Variants in CORO1C observed in about 807,000 individuals in gnomAD.
The protein encoded by CORO1C is coronin 1C, also known as coronin-1C.
A neutral mutation model predicts 51.2 loss-of-function variants in CORO1C; 14 were observed. The ratio of observed to expected loss-of-function variants is 0.27; its 90% CI spans 0.18 to 0.43. The LOEUF is 0.43. Ranked by LOEUF, CORO1C falls within the 20% of genes least tolerant of loss-of-function variation. The pLI is 1.00. For synonymous variants in CORO1C, 181 were observed against 210.5 expected (o/e 0.86, Z 1.21); for missense variants, 417 against 607.8 (o/e 0.69, Z 3.30).
intron 2 of CORO1C, among the ~76,000 whole-genome samples, chr12:108,680,098 T>G (rs1270267045): frequency 6.6e-6 from 1 of 152,236 alleles, no homozygotes; most frequent in African/African-American, 2.4e-5. Context: ...CCAGACATTG[T>G]GCTGAGTGCT....
At position 108,666,806 on chromosome 12, in the gene CORO1C, A is replaced by G. The variant is rs567141497; in HGVS notation, c.319-4648T>C. Among the ~76,000 whole-genome samples the G allele has an allele frequency of 5.3e-5, 8 of 152,330 alleles. No individual in the cohort carries two copies. In the South Asian group the frequency reaches 1.7e-3, roughly 32 times the overall value. ...CAGCTGTGCTTACTCAGGGGTTATT[A>G]GAAGGGTTAAATGAGCTCAAACATT... On this transcript the variant is annotated intron_variant, in intron 3 of 10. Coordinates refer to ENST00000261401, the MANE Select transcript of CORO1C (RefSeq NM_014325.4).
At chr12:108,654,093 C>G (rs1157756161) in intron 7 of CORO1C, among the ~76,000 whole-genome samples, 1 of 152,206 alleles carries the variant, frequency 6.6e-6, no homozygotes, top group East Asian at 1.9e-4. Flanking sequence ...CAAAAGTATG[C>G]AACATGGCGT....
At chr12:108,689,032 GAA>G (rs11449783) in intron 2 of CORO1C, among the ~76,000 whole-genome samples, 6 of 110,328 alleles carry the variant, frequency 5.4e-5, no homozygotes, top group Admixed American at 9.7e-5. Context: ...CTCTGTCTCA[GAA>G]AAAAAAAAAA....
At chr12:108,717,331 G>C (rs569850375) in intron 1 of CORO1C, among the ~76,000 whole-genome samples, 1 of 152,340 alleles carries the variant, frequency 6.6e-6, no homozygotes, top group East Asian at 1.9e-4. Flanking sequence ...GGATCACAGA[G>C]GGCTTTCTAG....
At chr12:108,702,120 A>G (rs1304207611) in intron 1 of CORO1C, 1 of 152,488 alleles carries the variant, frequency 6.6e-6, no homozygotes, top group Non-Finnish European at 1.5e-5. Context: ...ATGACAGTAA[A>G]TGTGGCAGGA....
Position 108,657,362 on chromosome 12 carries a change from T to C in CORO1C, c.692A>G (p.Asn231Ser), listed in dbSNP as rs769089003. The C allele has an allele frequency of 1.5e-5, 24 of 1,614,046 alleles. No homozygotes were observed. Among genetic ancestry groups the C allele is most frequent in the African/African-American group, 8.0e-5 (6 of 74,944 alleles). Residue 231 changes from asparagine (N) to serine (S), a missense_variant, in exon 6 of 11, where the codon AAT becomes AGT. Asn to Ser is a conservative substitution (Grantham distance 46, BLOSUM62 1). Coordinates refer to ENST00000261401, the MANE Select transcript of CORO1C (RefSeq NM_014325.4). Reference protein sequence around the residue: ...PMRAIFLADGNVFTTGFSRMS... With the variant: ...PMRAIFLADGSVFTTGFSRMS... The stretch of plus-strand genomic sequence containing the variant: ...GCGGCTGAACCCAGTGGTGAAGACA[T>C]TGCCATCGGCCAGGAAGATGGCTCT...
chr12:108,657,208 C>G, intron 6 of CORO1C, 96 bp downstream of exon 6: 1 of 1,480,184 alleles, frequency 6.8e-7, no homozygotes, highest in Non-Finnish European at 9.0e-7. Flanking sequence ...GAAAACTACA[C>G]TAAGAATCCC....
intron 1 of CORO1C, 103 bp from the exon 2 acceptor site, chr12:108,701,426 A>AT: frequency 6.5e-7 from 1 of 1,548,606 alleles, no homozygotes; most frequent in Non-Finnish European, 8.7e-7. Context: ...ATGGTATGGC[A>AT]TTTTGTCTGC....
chr12:108,702,753 C>T (rs1298894630), intron 1 of CORO1C: 1 of 1,471,380 alleles, frequency 6.8e-7, no homozygotes, highest in Non-Finnish European at 9.0e-7. Flanking sequence ...GAGCCCACTG[C>T]TAAATGCAGA....
chr12:108,699,440 GA>G (rs34961869), intron 2 of CORO1C, among the ~76,000 whole-genome samples: 7 of 150,688 alleles, frequency 4.6e-5, no homozygotes, highest in South Asian at 2.1e-4. Flanking sequence ...TTCTTTGAAG[GA>G]AAAAAAAAGT....
At chr12:108,655,834 GC>G (rs1262535120) in intron 6 of CORO1C, among the ~76,000 whole-genome samples, 1 of 152,164 alleles carries the variant, frequency 6.6e-6, no homozygotes, top group Non-Finnish European at 1.5e-5. Context: ...TCTCTGCCTG[GC>G]CGCCCATCGT....
chr12:108,715,456 C>G (rs1159043242), intron 1 of CORO1C, among the ~76,000 whole-genome samples: 2 of 152,092 alleles, frequency 1.3e-5, no homozygotes, highest in African/African-American at 4.8e-5. Context: ...ATTTCTATTA[C>G]AGAGATAATG....
At chr12:108,648,195 C>G (rs1448555746) in intron 10 of CORO1C, among the ~76,000 whole-genome samples, 1 of 152,144 alleles carries the variant, frequency 6.6e-6, no homozygotes, top group Non-Finnish European at 1.5e-5. Flanking sequence ...CTCCCTCCTT[C>G]CAGGGACCTC....
intron 1 of CORO1C, among the ~76,000 whole-genome samples, chr12:108,707,186 T>C (rs1336949903): frequency 3.9e-5 from 6 of 152,146 alleles, no homozygotes; most frequent in Admixed American, 3.9e-4. Context: ...GATGAAGGGA[T>C]TGATTGGAAC....
chr12:108,709,868 A>C (rs1293001940), intron 1 of CORO1C, among the ~76,000 whole-genome samples: 1 of 152,226 alleles, frequency 6.6e-6, no homozygotes, highest in Non-Finnish European at 1.5e-5. Flanking sequence ...TTTCAAGTAC[A>C]AGTTCTTAAA....
intron 2 of CORO1C, among the ~76,000 whole-genome samples, chr12:108,687,468 C>CA: frequency 6.6e-6 from 1 of 152,076 alleles, no homozygotes; most frequent in East Asian, 1.9e-4. Flanking sequence ...GCCTGGGTGA[C>CA]AGAGTAAGAC....
At chr12:108,674,441 G>A (rs201372015) in intron 3 of CORO1C, among the ~76,000 whole-genome samples, 8 of 135,016 alleles carry the variant, frequency 5.9e-5, no homozygotes, top group Non-Finnish European at 1.3e-4. Context: ...CCAGCTACTC[G>A]GAGGGCTGAG....
At chr12:108,730,117 A>G (rs1319391099) in intron 1 of CORO1C, 1 of 152,268 alleles carries the variant, frequency 6.6e-6, no homozygotes, top group African/African-American at 2.4e-5. Flanking sequence ...CAAATGTCTT[A>G]TAGGAGGGAA....
chr12:108,715,444 A>G (rs78677860), intron 1 of CORO1C, among the ~76,000 whole-genome samples: 3,765 of 152,262 alleles, frequency 0.025, 166 homozygotes, highest in African/African-American at 0.087. Flanking sequence ...ACAGAAATAT[A>G]TATTTCTATT....
Sources: gnomAD v4.1 joint callset for allele counts (sites outside exome capture counted in the v4.1 genomes callset) on GRCh38, gnomAD v4.1.1 for gene constraint, MANE v1.5 for transcripts, NCBI Gene and HGNC (gene_info 2026-07-23, HGNC 2026-07-21) for gene names.